The following TENM1 variants were observed in gnomAD, a reference collection of about 807,000 sequenced individuals.
The protein encoded by TENM1 is teneurin-1.
In TENM1, 35 loss-of-function variants were observed where a neutral mutation model predicts 174.8. The observed-to-expected ratio is 0.20, with a 90% CI of 0.15 to 0.27. The LOEUF is 0.27. TENM1 is among the 10% of genes least tolerant of loss of function. The pLI, the probability that TENM1 is intolerant of heterozygous loss-of-function variation, is 1.00. For synonymous variants in TENM1, 781 were observed against 798.7 expected (o/e 0.98, Z 0.37); for missense variants, 1,633 against 2,130.1 (o/e 0.77, Z 4.59).
intron 7 of TENM1, among the ~76,000 whole-genome samples, chrX:124,652,988 T>C (rs942137184): frequency 1.8e-5 from 2 of 111,752 alleles, no homozygotes; most frequent in African/African-American, 6.5e-5. Context: ...GCCCCAGTGT[T>C]TGATCACTTT....
the TENM1 span, among the ~76,000 whole-genome samples, chrX:125,107,613 A>AC: frequency 9.0e-6 from 1 of 110,542 alleles, no homozygotes. Context: ...CATCCCTAAC[A>AC]CCCCCATGCT....
At chrX:124,935,590 C>T (rs1397649839) in intron 1 of TENM1, among the ~76,000 whole-genome samples, 1 of 112,570 alleles carries the variant, frequency 8.9e-6, no homozygotes, top group Non-Finnish European at 1.9e-5. Context: ...CAGTGCCTAG[C>T]ACAATACCTG....
At chrX:125,085,359 G>A in the TENM1 span, among the ~76,000 whole-genome samples, 1 of 110,693 alleles carries the variant, frequency 9.0e-6, no homozygotes, top group African/African-American at 3.3e-5. Context: ...ATAAGAAAAG[G>A]ATTTTCCTTG....
At chrX:125,188,210 G>T in the TENM1 span, among the ~76,000 whole-genome samples, 1 of 110,643 alleles carries the variant, frequency 9.0e-6, no homozygotes, top group Non-Finnish European at 1.9e-5. Context: ...CTGTGTGCCT[G>T]TAGTCTCTGC....
the TENM1 span, among the ~76,000 whole-genome samples, chrX:125,038,580 C>A: frequency 9.0e-6 from 1 of 111,161 alleles, no homozygotes; most frequent in African/African-American, 3.3e-5. Flanking sequence ...GAGGACCGAA[C>A]AGGAGTAGAT....
chrX:124,931,588 C>T (rs901041852), intron 1 of TENM1, among the ~76,000 whole-genome samples: 4 of 111,167 alleles, frequency 3.6e-5, no homozygotes, highest in Non-Finnish European at 5.7e-5. Flanking sequence ...GTTATTTCCT[C>T]GGCAGGAATG....
chrX:124,620,720 A>G (rs918332004), intron 11 of TENM1, among the ~76,000 whole-genome samples: 24 of 112,263 alleles, frequency 2.1e-4, no homozygotes, highest in African/African-American at 7.7e-4. Context: ...CTGTTTGTAT[A>G]TCTCATTCAT....
intron 15 of TENM1, among the ~76,000 whole-genome samples, chrX:124,545,894 A>T (rs924362992): frequency 2.7e-5 from 3 of 112,019 alleles, no homozygotes; most frequent in Non-Finnish European, 5.6e-5. Flanking sequence ...AAAATTTTAA[A>T]CTTTTAAGTT....
chrX:124,458,627 T>A (rs994146621), intron 22 of TENM1, among the ~76,000 whole-genome samples: 11 of 112,755 alleles, frequency 9.8e-5, no homozygotes, highest in Non-Finnish European at 2.1e-4. Context: ...ACTAATATTC[T>A]GCTGACTGGA....
At chrX:124,463,875 GTGGA>G (rs751942167) in intron 22 of TENM1, among the ~76,000 whole-genome samples, 1,870 of 103,442 alleles carry the variant, frequency 0.018, 21 homozygotes, top group Middle Eastern at 0.025. Context: ...GTGTGTGTGT[GTGGA>G]GAGAGAGAGA....
chrX:124,519,810 T>C (rs1349415236), intron 18 of TENM1, among the ~76,000 whole-genome samples: 2 of 111,830 alleles, frequency 1.8e-5, no homozygotes, highest in Admixed American at 9.5e-5. Flanking sequence ...ATCCCTCATA[T>C]ATGAAATTAT....
chrX:124,677,015 G>A (rs7054975), intron 5 of TENM1, among the ~76,000 whole-genome samples: 2,173 of 110,357 alleles, frequency 0.02, 26 homozygotes, highest in African/African-American at 0.036. Context: ...CAGAGTTGAA[G>A]ACTTGATATA....
intron 11 of TENM1, among the ~76,000 whole-genome samples, chrX:124,625,429 G>A (rs192058154): frequency 2.8e-4 from 31 of 110,827 alleles, no homozygotes; most frequent in African/African-American, 9.8e-4. Context: ...TCATGGTGAC[G>A]ACACTTAATA....
upstream of TENM1, among the ~76,000 whole-genome samples, chrX:124,967,678 C>T (rs1374930157): frequency 8.9e-6 from 1 of 111,751 alleles, no homozygotes; most frequent in South Asian, 3.7e-4. Flanking sequence ...AAACCTAGAA[C>T]TTACCACTCC....
At chrX:124,445,463 G>A (rs2060955884) in intron 23 of TENM1, among the ~76,000 whole-genome samples, 1 of 112,039 alleles carries the variant, frequency 8.9e-6, no homozygotes, top group South Asian at 3.7e-4. Flanking sequence ...TAATATATGA[G>A]GACAAAGTTT....
intron 6 of TENM1, among the ~76,000 whole-genome samples, chrX:124,664,683 T>G (rs1346585416): frequency 2.8e-5 from 2 of 72,494 alleles, no homozygotes; most frequent in African/African-American, 1.4e-4. Context: ...TTGTGGGGTG[T>G]GTGTGTGTGT....
At chrX:124,804,746 A>T (rs2055548176) in intron 3 of TENM1, among the ~76,000 whole-genome samples, 2 of 111,837 alleles carry the variant, frequency 1.8e-5, no homozygotes, top group Non-Finnish European at 1.9e-5. Flanking sequence ...ATATTTTACC[A>T]ATAGATATAA....
At chrX:125,106,227 A>G in the TENM1 span, among the ~76,000 whole-genome samples, 3 of 111,403 alleles carry the variant, frequency 2.7e-5, no homozygotes, top group Non-Finnish European at 5.6e-5. Flanking sequence ...ATTGTCTGGT[A>G]TGAATCACTA....
the TENM1 span, among the ~76,000 whole-genome samples, chrX:124,990,530 G>T: frequency 8.9e-6 from 1 of 112,651 alleles, no homozygotes; most frequent in African/African-American, 3.2e-5. Context: ...CATAGGTGGA[G>T]TAGGCAGGTG....
Sources: allele counts gnomAD v4.1 joint callset (sites outside exome capture counted in the v4.1 genomes callset), GRCh38; gene constraint gnomAD v4.1.1; transcripts MANE v1.5; gene names NCBI Gene and HGNC (gene_info 2026-07-23, HGNC 2026-07-21).